The following OCA2 variants were observed in gnomAD, a reference collection of about 807,000 sequenced individuals.
OCA2 encodes OCA2 melanosomal transmembrane protein.
In OCA2, 77 loss-of-function variants were observed where a neutral mutation model predicts 100.2. The observed-to-expected ratio is 0.77, with a 90% CI of 0.64 to 0.93. The LOEUF (loss-of-function observed/expected upper bound fraction) is 0.93, where lower values mean the gene tolerates loss of function less well. OCA2 is among the 40% of genes least tolerant of loss of function. The pLI, the probability that OCA2 is intolerant of heterozygous loss-of-function variation, is 0.00. For missense variants in OCA2, 1,062 were observed against 1,089.1 expected (o/e 0.98, Z 0.35); for synonymous variants, 432 against 439.2 (o/e 0.98, Z 0.21).
intron 2 of OCA2, among the ~76,000 whole-genome samples, chr15:28,047,084 C>G (rs1371151592): frequency 6.6e-6 from 1 of 152,042 alleles, no homozygotes; most frequent in Non-Finnish European, 1.5e-5. Context: ...TTGGTCAGGC[C>G]CTGACACATG....
intron 16 of OCA2, among the ~76,000 whole-genome samples, chr15:27,956,959 C>G (rs1567155051): frequency 6.6e-6 from 1 of 152,250 alleles, no homozygotes; most frequent in Non-Finnish European, 1.5e-5. Flanking sequence ...TCCACCCCCT[C>G]TCAGCTCAGC....
chr15:27,741,888 C>T, the OCA2 span, among the ~76,000 whole-genome samples: 1 of 152,196 alleles, frequency 6.6e-6, no homozygotes, highest in Non-Finnish European at 1.5e-5. Flanking sequence ...ATTATTGTTA[C>T]ACGATTAACA....
intron 23 of OCA2, among the ~76,000 whole-genome samples, chr15:27,777,325 AAGGGACTCCCTTCT>A (rs1180534919): frequency 6.6e-6 from 1 of 152,150 alleles, no homozygotes; most frequent in Non-Finnish European, 1.5e-5. Context: ...CAATAGTGGC[AAGGGACTCCCTTCT>A]AGGGAGGGAG....
chr15:27,733,848 A>G, the OCA2 span, among the ~76,000 whole-genome samples: 1 of 152,088 alleles, frequency 6.6e-6, no homozygotes, highest in South Asian at 2.1e-4. Flanking sequence ...AAAATATTAC[A>G]TATTAAAGTA....
chr15:28,012,771 A>G (rs1225432264), intron 9 of OCA2, among the ~76,000 whole-genome samples: 1 of 152,268 alleles, frequency 6.6e-6, no homozygotes, highest in Non-Finnish European at 1.5e-5. Flanking sequence ...ATAACAGAGA[A>G]GCCCATTAAA....
chr15:27,964,944 G>A (rs1029891770), intron 15 of OCA2, among the ~76,000 whole-genome samples: 2 of 152,206 alleles, frequency 1.3e-5, no homozygotes, highest in African/African-American at 4.8e-5. Flanking sequence ...CTCAGGAACG[G>A]TGAGGAATTC....
At chr15:27,879,316 A>G (rs1025911954) in intron 19 of OCA2, among the ~76,000 whole-genome samples, 1 of 152,180 alleles carries the variant, frequency 6.6e-6, no homozygotes, top group African/African-American at 2.4e-5. Flanking sequence ...CAGTGAACAT[A>G]TAAGTGCATG....
chr15:28,008,657 G>A (rs116182660), intron 9 of OCA2, among the ~76,000 whole-genome samples: 2,052 of 152,304 alleles, frequency 0.013, 43 homozygotes, highest in African/African-American at 0.047. Flanking sequence ...TGGCGAGTGT[G>A]CCCTTTCTGC....
the OCA2 span, among the ~76,000 whole-genome samples, chr15:27,736,965 T>A: frequency 6.6e-6 from 1 of 152,238 alleles, no homozygotes; most frequent in East Asian, 1.9e-4. Flanking sequence ...AGACATACTG[T>A]GGGAATTATT....
At chr15:27,997,654 G>A (rs8037533) in intron 9 of OCA2, among the ~76,000 whole-genome samples, 67,082 of 125,588 alleles carry the variant, frequency 0.53, 22,535 homozygotes, top group Non-Finnish European at 0.78. Flanking sequence ...TTGACTTGGC[G>A]ATGCGGGCTC....
chr15:27,744,463 G>A, the OCA2 span, among the ~76,000 whole-genome samples: 5 of 152,160 alleles, frequency 3.3e-5, no homozygotes, highest in East Asian at 9.6e-4. Context: ...GGGGCAAGAG[G>A]CAGAGAAAAA....
chr15:28,007,461 T>C (rs908838927), intron 9 of OCA2, among the ~76,000 whole-genome samples: 1 of 152,234 alleles, frequency 6.6e-6, no homozygotes, highest in African/African-American at 2.4e-5. Context: ...CCGGGCATGG[T>C]GGCTCACGCC....
intron 19 of OCA2, among the ~76,000 whole-genome samples, chr15:27,883,108 C>T (rs1337713927): frequency 6.6e-6 from 1 of 152,104 alleles, no homozygotes; most frequent in African/African-American, 2.4e-5. Flanking sequence ...CCCCACACTC[C>T]CTGGCCTGCA....
chr15:27,769,416 G>A (rs1029264438), intron 23 of OCA2, among the ~76,000 whole-genome samples: 1 of 152,216 alleles, frequency 6.6e-6, no homozygotes, highest in Non-Finnish European at 1.5e-5. Context: ...AGTGCCCGGA[G>A]CGTTTCCAAC....
chr15:27,832,393 T>C (rs2034996661), intron 23 of OCA2, among the ~76,000 whole-genome samples: 1 of 152,228 alleles, frequency 6.6e-6, no homozygotes, highest in Non-Finnish European at 1.5e-5. Flanking sequence ...CTTAAAGCCC[T>C]TCCCTGCACT....
chr15:27,990,548 G>A lies in OCA2; in HGVS notation c.1116+28C>T, dbSNP rs751118908. The A allele has an allele frequency of 2.5e-6, 4 of 1,609,316 alleles. No homozygotes were observed. In the Admixed American group the frequency reaches 5.0e-5, roughly 20 times the overall value. ...GAGCTGACATCCCACTGAGTGGTAAGCCAGGGATTGGGACTGTGACAACTT... is the reference window on the plus strand; with the variant it reads ...GAGCTGACATCCCACTGAGTGGTAAACCAGGGATTGGGACTGTGACAACTT... On this transcript the variant is annotated intron_variant, in intron 10 of 23. Coordinates refer to ENST00000354638, the MANE Select transcript of OCA2 (RefSeq NM_000275.3).
chr15:27,795,541 C>A (rs796679053), intron 23 of OCA2, among the ~76,000 whole-genome samples: 1 of 152,202 alleles, frequency 6.6e-6, no homozygotes, highest in Non-Finnish European at 1.5e-5. Context: ...ACGGGCCCCC[C>A]ACTCTCACCC....
At chr15:27,798,451 T>C (rs923590727) in intron 23 of OCA2, among the ~76,000 whole-genome samples, 3 of 152,210 alleles carry the variant, frequency 2.0e-5, no homozygotes, top group Non-Finnish European at 4.4e-5. Context: ...TGACTTATAA[T>C]TGTTTATATA....
chr15:27,756,888 T>G (rs55676645), intron 23 of OCA2, among the ~76,000 whole-genome samples: 21,840 of 152,206 alleles, frequency 0.14, 2,298 homozygotes, highest in East Asian at 0.58. Flanking sequence ...TTTGCCGTGC[T>G]CCCAAGTGAG....
Sources: gnomAD v4.1 joint callset for allele counts (sites outside exome capture counted in the v4.1 genomes callset) on GRCh38, gnomAD v4.1.1 for gene constraint, MANE v1.5 for transcripts, NCBI Gene and HGNC (gene_info 2026-07-23, HGNC 2026-07-21) for gene names.